SAMHD1: variants seen among roughly 807,000 people sequenced by gnomAD.
The protein encoded by SAMHD1 is deoxynucleoside triphosphate triphosphohydrolase SAMHD1.
In SAMHD1, 54 loss-of-function variants were observed where a neutral mutation model predicts 79.6. That is an observed-to-expected ratio of 0.68 (90% CI 0.55 to 0.85). SAMHD1 has a LOEUF of 0.85. SAMHD1 is among the 40% of genes least tolerant of loss of function. The pLI, the probability that SAMHD1 is intolerant of heterozygous loss-of-function variation, is 0.00. For synonymous variants in SAMHD1, 260 were observed against 264.1 expected (o/e 0.98, Z 0.15); for missense variants, 663 against 782.7 (o/e 0.85, Z 1.82).
Position 36,946,813 on chromosome 20 carries a change from G to C in SAMHD1, c.209-9C>G, listed in dbSNP as rs756642711. 4 of 1,605,240 alleles carry C rather than the reference G, an allele frequency of 2.5e-6. No individual in the cohort carries two copies. The South Asian group carries it at 4.4e-5, about 18-fold the overall frequency. On this transcript the variant is annotated splice_polypyrimidine_tract_variant and intron_variant, in intron 1 of 15. Coordinates refer to ENST00000646673, the MANE Select transcript of SAMHD1 (RefSeq NM_015474.4). The stretch of plus-strand genomic sequence containing the variant: ...GCCTGTGATTTCATTTTCTATGGAA[G>C]AAAAAAGACAAATTCAATGTATACA...
At chr20:36,895,998 G>A (rs1331590878) in intron 15 of SAMHD1, among the ~76,000 whole-genome samples, 1 of 152,024 alleles carries the variant, frequency 6.6e-6, no homozygotes, top group East Asian at 1.9e-4. Context: ...AAGTATAAAG[G>A]AGGATATGTA....
chr20:36,935,233 C>A (rs1376794375), intron 3 of SAMHD1, 44 bp from the exon 4 acceptor site: 9 of 1,522,076 alleles, frequency 5.9e-6, no homozygotes, highest in Non-Finnish European at 7.3e-6. Flanking sequence ...ACATGTAAGT[C>A]CAACTGAAAT....
At chr20:36,950,526 G>A (rs997589925) in intron 1 of SAMHD1, among the ~76,000 whole-genome samples, 2 of 152,042 alleles carry the variant, frequency 1.3e-5, no homozygotes, top group African/African-American at 4.8e-5. Context: ...GAGGATATAA[G>A]GCAGGAGTCA....
rs1180028840 is a variant in SAMHD1 at position 36,946,872 on chromosome 20, C to T, written c.209-68G>A. On this transcript the variant is annotated intron_variant, in intron 1 of 15. Coordinates refer to ENST00000646673, the MANE Select transcript of SAMHD1 (RefSeq NM_015474.4). ...TTTTCATTTTCTTTCAATTTGGATA[C>T]ACCAACATTTACCCAGATCCACATA... The T allele has an allele frequency of 2.4e-6, 3 of 1,268,508 alleles. No homozygotes were observed. In the African/African-American group the frequency reaches 4.4e-5, roughly 19 times the overall value. The allele number at this position is 1,268,508 out of a possible 1,614,324, so 78.6% of individuals were successfully genotyped here.
chr20:36,936,451 G>C (rs1275258385), intron 3 of SAMHD1, among the ~76,000 whole-genome samples: 2 of 151,922 alleles, frequency 1.3e-5, no homozygotes, highest in Non-Finnish European at 2.9e-5. Flanking sequence ...CTCCCAAATA[G>C]CTGGGACTAC....
At chr20:36,920,938 TG>T (rs2063500259) in intron 6 of SAMHD1, among the ~76,000 whole-genome samples, 1 of 151,514 alleles carries the variant, frequency 6.6e-6, no homozygotes, top group Non-Finnish European at 1.5e-5. Flanking sequence ...ATAAAAAGAT[TG>T]GCTGGGTATA....
chr20:36,943,870 G>A (rs2063664527), intron 2 of SAMHD1, among the ~76,000 whole-genome samples: 4 of 151,928 alleles, frequency 2.6e-5, no homozygotes, highest in Admixed American at 1.3e-4. Flanking sequence ...ATGAGGTCGG[G>A]AGTTCAAGAC....
intron 11 of SAMHD1, among the ~76,000 whole-genome samples, chr20:36,908,024 G>A (rs1386458329): frequency 4.0e-5 from 6 of 149,846 alleles, no homozygotes; most frequent in East Asian, 2.0e-4. Context: ...ACAGGCACCC[G>A]CCAGCACGCC....
intron 5 of SAMHD1, among the ~76,000 whole-genome samples, chr20:36,928,092 GA>G (rs2063547028): frequency 6.6e-6 from 1 of 152,140 alleles, no homozygotes; most frequent in South Asian, 2.1e-4. Flanking sequence ...GCAGTTTCAA[GA>G]AAATCCACTA....
rs1210317326 is a variant in SAMHD1 at position 36,944,314 on chromosome 20, G to A, written c.275+2424C>T. Among the ~76,000 whole-genome samples the A allele has an allele frequency of 2.2e-4, 31 of 139,146 alleles. No homozygotes were observed. In the East Asian group the frequency reaches 2.7e-3, roughly 12 times the overall value. 91.3% of individuals were successfully genotyped at this position (139,146 alleles called of 152,430 possible). ...AGCCTGGGCAACAGAGTGAGACTTC[G>A]TCTCAAAAAAAAAAAAAAAAAGAAA... On this transcript the variant is annotated intron_variant, in intron 2 of 15. Coordinates refer to ENST00000646673, the MANE Select transcript of SAMHD1 (RefSeq NM_015474.4).
intron 15 of SAMHD1, among the ~76,000 whole-genome samples, chr20:36,895,556 T>C (rs1317323162): frequency 1.3e-5 from 2 of 152,066 alleles, no homozygotes; most frequent in African/African-American, 2.4e-5. Context: ...CCATGGGTTA[T>C]TAGGAACTGT....
chr20:36,947,993 T>C (rs1025117465), intron 1 of SAMHD1, among the ~76,000 whole-genome samples: 3 of 152,056 alleles, frequency 2.0e-5, no homozygotes, highest in African/African-American at 7.2e-5. Flanking sequence ...TTGATGAGAA[T>C]ACTTGTTAAG....
Position 36,926,141 on chromosome 20 carries a change from A to C in SAMHD1, c.696+1041T>G, listed in dbSNP as rs571048718. 2.6e-5 allele frequency among the ~76,000 whole-genome samples: 4 copies of C among 152,216 alleles called. No homozygotes were observed. The South Asian group carries it at 8.3e-4, about 32-fold the overall frequency. On this transcript the variant is annotated intron_variant, in intron 6 of 15. Transcript: ENST00000646673. Reference sequence around the variant, plus strand: ...AATCTTGTACGATAATATGCACGACAACCTTATTTATAACAACCAAAACCT... The same window carrying C: ...AATCTTGTACGATAATATGCACGACCACCTTATTTATAACAACCAAAACCT...
chr20:36,941,463 G>T (rs2146144896), intron 2 of SAMHD1, among the ~76,000 whole-genome samples: 1 of 152,120 alleles, frequency 6.6e-6, no homozygotes, highest in East Asian at 1.9e-4. Flanking sequence ...CATAATCCTG[G>T]ATTGATTTAT....
Position 36,930,814 on chromosome 20 carries a change from T to G in SAMHD1, c.571A>C (p.Ile191Leu), listed in dbSNP as rs1303667371. The change falls in exon 5 of 16, where the codon ATA (isoleucine) becomes CTA (leucine). Residue 191 changes from isoleucine to leucine, a missense_variant. By Grantham distance (5) the Ile-to-Leu change is conservative (BLOSUM62 2). Coordinates refer to ENST00000646673, the MANE Select transcript of SAMHD1 (RefSeq NM_015474.4). ...ALGEKQPELQ[I>L]SERDVLCVQI... ...ACACAGAGAACATCTCGTTCACTTA[T>G]CTGCAGCTCTGGTTGTTTTTCACCC... 3.7e-6 allele frequency: 6 copies of G among 1,614,080 alleles called. No individual in the cohort carries two copies. The highest frequency in any genetic ancestry group is 5.1e-6 in the Non-Finnish European group (6 of 1,179,978).
Position 36,916,978 on chromosome 20 carries a change from A to G in SAMHD1, c.924T>C (p.Ile308=), listed in dbSNP as rs1422794120. The part of the protein sequence containing the change: ...YEIVSNKRNG[I]DVDKWDYFAR... ...CAAAATAATCCCATTTGTCCACATC[A>G]ATGCCATTTCTTTTATTAGATACTA... is the stretch of plus-strand genomic sequence containing the variant. Residue 308 remains isoleucine (I), a synonymous_variant, in exon 8 of 16, where the codon ATT becomes ATC. Coordinates refer to ENST00000646673, the MANE Select transcript of SAMHD1 (RefSeq NM_015474.4). The G allele has an allele frequency of 3.1e-6, 5 of 1,613,884 alleles. No homozygotes were observed. The highest frequency in any genetic ancestry group is 4.2e-6 in the Non-Finnish European group (5 of 1,179,806).
Position 36,904,241 on chromosome 20 carries a change from A to G in SAMHD1, c.1419T>C (p.Tyr473=). ...TGGCAACCTCTTTTGGAAGAGATTC[A>G]TAGTCCTCCTGGAAAACACAAGACT... ...TGQIKIKRED[Y]ESLPKEVASA... is the part of the protein sequence containing the mutation. The change falls in exon 13 of 16, where the codon TAT becomes TAC. Residue 473 remains tyrosine, a synonymous_variant. Transcript: ENST00000646673. 1 of 1,611,002 alleles carries G rather than the reference A, an allele frequency of 6.2e-7. No homozygotes were observed. The highest frequency in any genetic ancestry group is 8.5e-7 in the Non-Finnish European group (1 of 1,177,182).
At chr20:36,941,650 A>G (rs542167753) in intron 2 of SAMHD1, among the ~76,000 whole-genome samples, 1 of 152,222 alleles carries the variant, frequency 6.6e-6, no homozygotes, top group South Asian at 2.1e-4. Context: ...TTCATTTACA[A>G]TTACTAGTTG....
intron 7 of SAMHD1, among the ~76,000 whole-genome samples, chr20:36,918,447 C>A (rs1437574557): frequency 6.6e-6 from 1 of 150,402 alleles, no homozygotes; most frequent in Non-Finnish European, 1.5e-5. Flanking sequence ...AGTGAGACCA[C>A]ATCTCCAAAA....
Sources: gnomAD v4.1 joint callset for allele counts (sites outside exome capture counted in the v4.1 genomes callset) on GRCh38, gnomAD v4.1.1 for gene constraint, MANE v1.5 for transcripts, NCBI Gene and HGNC (gene_info 2026-07-23, HGNC 2026-07-21) for gene names.